Variants in NCOA3 observed in about 807,000 individuals in gnomAD.
NCOA3 encodes CBP-interacting protein.
In NCOA3, 51 loss-of-function variants were observed where a neutral mutation model predicts 158.8. That is an observed-to-expected ratio of 0.32 (90% CI 0.26 to 0.41). The LOEUF (loss-of-function observed/expected upper bound fraction) is 0.41, where lower values mean the gene tolerates loss of function less well. Among genes scored for constraint, NCOA3 ranks in the 10% least tolerant of loss-of-function variants. The pLI is 1.00. For missense variants in NCOA3, 1,510 were observed against 1,746.6 expected (o/e 0.86, Z 2.41); for synonymous variants, 537 against 592.4 (o/e 0.91, Z 1.36).
chr20:47,524,254 G>C (rs573410030), intron 1 of NCOA3, among the ~76,000 whole-genome samples: 1 of 151,088 alleles, frequency 6.6e-6, no homozygotes, highest in Non-Finnish European at 1.5e-5. Flanking sequence ...ACTGCCTGCC[G>C]TGATTCACAA....
rs3091531 is a variant in NCOA3 at position 47,548,239 on chromosome 20, TAA to T, written c.-98-34933_-98-34932del. 7.7e-3 allele frequency among the ~76,000 whole-genome samples: 1,139 copies of T among 148,452 alleles called. 23 individuals carry two copies. The highest frequency in any genetic ancestry group is 0.026 in the African/African-American group (1,053 of 40,702). On this transcript the variant is annotated intron_variant, in intron 1 of 22. Coordinates refer to ENST00000371998, the MANE Select transcript of NCOA3 (RefSeq NM_181659.3). ...TAAGCCTAATAAAAAAAGGTTCCTT[TAA>T]AAAAAAAAAATTCATTCTAGGCCAG...
intron 1 of NCOA3, among the ~76,000 whole-genome samples, chr20:47,543,151 T>G (rs1366608133): frequency 5.3e-5 from 8 of 152,132 alleles, no homozygotes; most frequent in African/African-American, 1.9e-4. Flanking sequence ...CAGTGACCAT[T>G]GGTGGGAGGT....
intron 1 of NCOA3, among the ~76,000 whole-genome samples, chr20:47,540,338 C>T (rs973410071): frequency 6.6e-6 from 1 of 152,070 alleles, no homozygotes; most frequent in African/African-American, 2.4e-5. Flanking sequence ...CTTTGGGAGG[C>T]CGATGAGGGT....
chr20:47,529,451 C>T (rs998596621), intron 1 of NCOA3, among the ~76,000 whole-genome samples: 2 of 152,018 alleles, frequency 1.3e-5, no homozygotes, highest in African/African-American at 2.4e-5. Context: ...GAGTCTTTGT[C>T]GCCCAGGCTG....
chr20:47,551,063 TA>T (rs2084920792), intron 1 of NCOA3, among the ~76,000 whole-genome samples: 2 of 152,132 alleles, frequency 1.3e-5, no homozygotes, highest in African/African-American at 2.4e-5. Context: ...TCCTCATGAT[TA>T]AATTCTGGGG....
intron 2 of NCOA3, among the ~76,000 whole-genome samples, chr20:47,621,725 G>C (rs952865827): frequency 1.4e-5 from 2 of 146,334 alleles, no homozygotes; most frequent in African/African-American, 5.2e-5. Flanking sequence ...TGCCATCTCG[G>C]CTCACTGCAA....
rs2086842080 is a variant in NCOA3, at chr20:47,654,387, A to T, written c.*970A>T. On this transcript the variant is annotated 3_prime_UTR_variant, in exon 23 of 23. Transcript: ENST00000371998. ...GTTTCTGTGAATAGATTTTTTTGTAAATATGACCTTTAAGATATTGTATTA... is the reference window on the plus strand; with the variant it reads ...GTTTCTGTGAATAGATTTTTTTGTATATATGACCTTTAAGATATTGTATTA... 6.6e-6 allele frequency: 1 copy of T among 152,632 alleles called. No individual in the cohort carries two copies. Among genetic ancestry groups the T allele is most frequent in the African/African-American group, 2.4e-5 (1 of 41,450 alleles). The allele number at this position is 152,632 out of a possible 1,614,324, so 9.5% of individuals were successfully genotyped here.
chr20:47,581,582 G>A (rs917056432), intron 1 of NCOA3, among the ~76,000 whole-genome samples: 1 of 152,116 alleles, frequency 6.6e-6, no homozygotes, highest in Non-Finnish European at 1.5e-5. Flanking sequence ...CATACCAACA[G>A]ATCTACCAAT....
chr20:47,633,141 C>T (rs574478450), intron 8 of NCOA3, among the ~76,000 whole-genome samples: 1 of 152,296 alleles, frequency 6.6e-6, no homozygotes, highest in South Asian at 2.1e-4. Context: ...AGACCCCACC[C>T]TAAGTCTCCT....
chr20:47,599,529 A>G (rs1000692889), intron 2 of NCOA3, among the ~76,000 whole-genome samples: 1 of 152,218 alleles, frequency 6.6e-6, no homozygotes, highest in African/African-American at 2.4e-5. Context: ...TAAGCATATA[A>G]TATGTGAATT....
chr20:47,569,588 C>T (rs1024834438), intron 1 of NCOA3, among the ~76,000 whole-genome samples: 18 of 151,316 alleles, frequency 1.2e-4, no homozygotes, highest in African/African-American at 4.4e-4. Context: ...GAGGCTGAGG[C>T]ACAAGAATTG....
chr20:47,604,664 C>T (rs1002468686), intron 2 of NCOA3, among the ~76,000 whole-genome samples: 1 of 152,170 alleles, frequency 6.6e-6, no homozygotes, highest in Non-Finnish European at 1.5e-5. Flanking sequence ...TCTCAAACTC[C>T]TGGGCTCAAG....
intron 1 of NCOA3, among the ~76,000 whole-genome samples, chr20:47,542,028 T>TTTGTTGTTGTTG (rs1555802260): frequency 3.4e-4 from 28 of 81,774 alleles, no homozygotes; most frequent in Admixed American, 4.9e-4. Flanking sequence ...TTTTTTTTTT[T>TTTGTTGTTGTTG]TTGTTGTTGT....
intron 1 of NCOA3, among the ~76,000 whole-genome samples, chr20:47,575,419 A>G (rs1236852370): frequency 6.6e-6 from 1 of 152,350 alleles, no homozygotes; most frequent in South Asian, 2.1e-4. Flanking sequence ...AACTTAAATC[A>G]TGAAGGCTTG....
At chr20:47,582,404 G>A (rs2085467905) in intron 1 of NCOA3, among the ~76,000 whole-genome samples, 1 of 152,220 alleles carries the variant, frequency 6.6e-6, no homozygotes, top group East Asian at 1.9e-4. Flanking sequence ...GTAGATATGG[G>A]GTTTCACCAT....
chr20:47,653,367 CATTTT>C (rs748002354), intron 22 of NCOA3, 34 bp from the exon 23 acceptor site: 4 of 1,059,046 alleles, frequency 3.8e-6, no homozygotes, highest in Non-Finnish European at 5.6e-6. Flanking sequence ...GTGTTTTACT[CATTTT>C]TTTTTTTTTT....
intron 2 of NCOA3, among the ~76,000 whole-genome samples, chr20:47,599,076 C>T (rs1263814765): frequency 6.6e-6 from 1 of 152,106 alleles, no homozygotes; most frequent in African/African-American, 2.4e-5. Context: ...TAGATTTAGG[C>T]TGTATTATCT....
At chr20:47,653,367 CAT>C (rs2086827750) in intron 22 of NCOA3, 37 bp from the exon 23 acceptor site, 3 of 1,059,042 alleles carry the variant, frequency 2.8e-6, no homozygotes, top group East Asian at 2.4e-5. Flanking sequence ...GTGTTTTACT[CAT>C]TTTTTTTTTT....
At chr20:47,517,140 C>T (rs571907174) in intron 1 of NCOA3, among the ~76,000 whole-genome samples, 1 of 152,266 alleles carries the variant, frequency 6.6e-6, no homozygotes, top group East Asian at 1.9e-4. Context: ...ATTGCTTGAA[C>T]CTTGGAGGTG....
Sources: allele counts gnomAD v4.1 joint callset (sites outside exome capture counted in the v4.1 genomes callset), GRCh38; gene constraint gnomAD v4.1.1; transcripts MANE v1.5; gene names NCBI Gene and HGNC (gene_info 2026-07-23, HGNC 2026-07-21).